CD48: variants seen among roughly 807,000 people sequenced by gnomAD.
The protein encoded by CD48 is CD48 molecule, also known as CD48 antigen.
In CD48, 20 loss-of-function variants were observed where a neutral mutation model predicts 22.0. The ratio of observed to expected loss-of-function variants is 0.91; its 90% CI spans 0.64 to 1.32. CD48 has a LOEUF of 1.32. Ranked by LOEUF, CD48 falls within the 40% of genes most tolerant of loss-of-function variation. The pLI is 0.00. For missense variants in CD48, 307 were observed against 286.5 expected (o/e 1.07, Z -0.52); for synonymous variants, 110 against 110.1 (o/e 1.00, Z 0.01).
rs751497460 is a variant in CD48 at position 160,681,173 on chromosome 1, C to CT, written c.652+28_652+29insA. 3.5e-5 allele frequency: 57 copies of CT among 1,613,880 alleles called. 1 individual carries two copies. The East Asian group carries it at 3.6e-4, about 10-fold the overall frequency. ...CAAAACAACTCCAGTTACCCTGTGC[C>CT]CCCCTCAGCTCCCAGGGATCCTTCT... is the stretch of plus-strand genomic sequence containing the variant. On this transcript the variant is annotated intron_variant, in intron 3 of 3. Coordinates refer to ENST00000368046, the MANE Select transcript of CD48 (RefSeq NM_001778.4).
chr1:160,685,775 G>A (rs1009121191), intron 1 of CD48, among the ~76,000 whole-genome samples: 1 of 152,166 alleles, frequency 6.6e-6, no homozygotes, highest in Non-Finnish European at 1.5e-5. Flanking sequence ...CTGACAAGAG[G>A]CAGATTAAGG....
chr1:160,701,519 C>T (rs567062211), intron 1 of CD48, among the ~76,000 whole-genome samples: 107 of 152,112 alleles, frequency 7.0e-4, no homozygotes, highest in Non-Finnish European at 1.3e-3. Flanking sequence ...AAAGAATAAC[C>T]TAAACCAGCC....
intron 1 of CD48, among the ~76,000 whole-genome samples, chr1:160,708,521 TG>T (rs1489777225): frequency 6.6e-6 from 1 of 152,122 alleles, no homozygotes; most frequent in Non-Finnish European, 1.5e-5. Context: ...ATAGGTAGCA[TG>T]GGGCTGGATG....
At chr1:160,684,131 T>C (rs1661905940) in intron 2 of CD48, 1 of 152,242 alleles carries the variant, frequency 6.6e-6, no homozygotes, top group South Asian at 2.1e-4. Flanking sequence ...AGCTAGGGGT[T>C]CTGGCCCGAA....
Position 160,679,040 on chromosome 1 carries a change from A to G in CD48, c.*12T>C, listed in dbSNP as rs762485903. The G allele has an allele frequency of 1.2e-6, 2 of 1,609,770 alleles. No individual in the cohort carries two copies. The highest frequency in any genetic ancestry group is 4.5e-5 in the East Asian group (2 of 44,874). Reference sequence around the variant, plus strand: ...TGGCCTTGAAGTTTCGCTTGAGTTAAAAGAGCTCATCTCAGGTAAGTAACA... The same window carrying G: ...TGGCCTTGAAGTTTCGCTTGAGTTAGAAGAGCTCATCTCAGGTAAGTAACA... On this transcript the variant is annotated 3_prime_UTR_variant, in exon 4 of 4. Coordinates refer to ENST00000368046, the MANE Select transcript of CD48 (RefSeq NM_001778.4).
chr1:160,680,648 A>T, intron 3 of CD48: 1 of 1,008,232 alleles, frequency 9.9e-7, no homozygotes, highest in Non-Finnish European at 1.2e-6. Flanking sequence ...TGGCTTCCTA[A>T]GTTCATCTAG....
At chr1:160,704,919 C>T (rs1032936620) in intron 1 of CD48, among the ~76,000 whole-genome samples, 1 of 151,934 alleles carries the variant, frequency 6.6e-6, no homozygotes, top group Admixed American at 6.6e-5. Flanking sequence ...GTCCATTGGT[C>T]CTTTTTGTGG....
intron 3 of CD48, chr1:160,680,644 C>A (rs1284433358): frequency 9.9e-7 from 1 of 1,008,150 alleles, no homozygotes; most frequent in Non-Finnish European, 1.2e-6. Context: ...AATCTGGCTT[C>A]CTAAGTTCAT....
chr1:160,711,767 T>C lies in CD48; in HGVS notation c.-4A>G. On this transcript the variant is annotated 5_prime_UTR_variant, in exon 1 of 4. Transcript: ENST00000368046. ...AATCCCAACCTCTGGAGCACATGCT[T>C]CCTTCCAGAACTTCCCAGCAACGCA... 1 of 1,612,190 alleles carries C rather than the reference T, an allele frequency of 6.2e-7. No homozygotes were observed. Among genetic ancestry groups the C allele is most frequent in the Non-Finnish European group, 8.5e-7 (1 of 1,178,502 alleles).
chr1:160,690,651 G>C (rs1662174995), intron 1 of CD48, among the ~76,000 whole-genome samples: 1 of 152,168 alleles, frequency 6.6e-6, no homozygotes, highest in African/African-American at 2.4e-5. Context: ...TGTAATATAG[G>C]AAGGGTGTCT....
intron 3 of CD48, 84 bp from the exon 4 acceptor site, chr1:160,679,215 G>T: frequency 1.9e-6 from 2 of 1,036,058 alleles, no homozygotes; most frequent in Non-Finnish European, 3.0e-6. Context: ...CTGGACACTG[G>T]TGTGGGAGCT....
chr1:160,679,656 T>TA (rs779308043), intron 3 of CD48, among the ~76,000 whole-genome samples: 7 of 150,996 alleles, frequency 4.6e-5, no homozygotes, highest in South Asian at 4.2e-4. Context: ...CTGGAGAAAA[T>TA]AAAAAAAAGG....
intron 1 of CD48, among the ~76,000 whole-genome samples, chr1:160,707,208 C>T (rs1662821711): frequency 6.6e-6 from 1 of 152,076 alleles, no homozygotes; most frequent in Admixed American, 6.6e-5. Flanking sequence ...CACTGCAATG[C>T]AATCTGAAGG....
Position 160,681,391 on chromosome 1 carries a change from C to G in CD48, c.463G>C (p.Val155Leu). 6.2e-7 allele frequency: 1 copy of G among 1,614,152 alleles called. No individual in the cohort carries two copies. The highest frequency in any genetic ancestry group is 8.5e-7 in the Non-Finnish European group (1 of 1,180,012). Residue 155 changes from valine to leucine, a missense_variant, in exon 3 of 4, where the codon GTG becomes CTG. Val to Leu is a conservative substitution (Grantham distance 32). Transcript: ENST00000368046. Reference sequence around the variant, plus strand: ...TAGTTTACAGACTCGCCAGGTATCACACATGACAGTTTCAGATAACAGTTG... The same window carrying G: ...TAGTTTACAGACTCGCCAGGTATCAGACATGACAGTTTCAGATAACAGTTG... The part of the protein sequence containing the change: ...DDNCYLKLSC[V>L]IPGESVNYTW...
At position 160,711,567 on chromosome 1, in the gene CD48, C is replaced by A. The variant is rs777498545; in HGVS notation, c.82+115G>T. The A allele has an allele frequency of 1.7e-4, 126 of 760,982 alleles. 1 individual carries two copies. Among genetic ancestry groups the A allele is most frequent in the Middle Eastern group, 3.5e-4 (1 of 2,826 alleles). 47.1% of individuals were successfully genotyped at this position (760,982 alleles called of 1,614,324 possible). ...TGGCCATGCTATTGGAATGGAAATA[C>A]CTGCTTTCCAGACACCAGATCTGGC... is the stretch of plus-strand genomic sequence containing the variant. On this transcript the variant is annotated intron_variant, in intron 1 of 3. Transcript: ENST00000368046.
At position 160,705,939 on chromosome 1, in the gene CD48, A is replaced by C. The variant is rs116637633; in HGVS notation, c.82+5743T>G. ...CCCTTGAGGGACAAAATTCTCCCAC[A>C]TTCACCCTGGTTGAGAAGTACTGAG... On this transcript the variant is annotated intron_variant, in intron 1 of 3. Transcript: ENST00000368046. Among the ~76,000 whole-genome samples the C allele has an allele frequency of 3.0e-3, 452 of 152,240 alleles. 1 individual carries two copies. Among genetic ancestry groups the C allele is most frequent in the African/African-American group, 0.01 (424 of 41,556 alleles).
chr1:160,684,846 C>A (rs752144317), intron 2 of CD48, 41 bp downstream of exon 2: 1 of 1,614,076 alleles, frequency 6.2e-7, no homozygotes, highest in Non-Finnish European at 8.5e-7. Flanking sequence ...CCATCTGGGG[C>A]CACTGGAGTG....
intron 1 of CD48, among the ~76,000 whole-genome samples, chr1:160,700,296 G>C (rs371427671): frequency 5.3e-5 from 8 of 152,322 alleles, no homozygotes; most frequent in African/African-American, 1.9e-4. Flanking sequence ...AATCAGCCAA[G>C]TGAATTTGCC....
At chr1:160,696,019 C>G (rs1662405662) in intron 1 of CD48, among the ~76,000 whole-genome samples, 1 of 152,300 alleles carries the variant, frequency 6.6e-6, no homozygotes. Context: ...TATTGATAAT[C>G]ATTACCCAAA....
Sources: gnomAD v4.1 joint callset for allele counts (sites outside exome capture counted in the v4.1 genomes callset) on GRCh38, gnomAD v4.1.1 for gene constraint, MANE v1.5 for transcripts, NCBI Gene and HGNC (gene_info 2026-07-23, HGNC 2026-07-21) for gene names.